ATXN1: variants seen among roughly 807,000 people sequenced by gnomAD.
The protein encoded by ATXN1 is ataxin-1.
A neutral mutation model predicts 56.4 loss-of-function variants in ATXN1; 8 were observed. The observed-to-expected ratio is 0.14, with a 90% confidence interval of 0.08 to 0.26. ATXN1 has a LOEUF of 0.26. ATXN1 is among the 10% of genes least tolerant of loss of function. The pLI, the probability that ATXN1 is intolerant of heterozygous loss-of-function variation, is 1.00. For synonymous variants in ATXN1, 514 were observed against 494.6 expected, an observed-to-expected ratio of 1.04 and a Z score of -0.52; for missense variants, 987 against 1,106.5, an observed-to-expected ratio of 0.89 and a Z score of 1.53.
At chr6:16,686,068 G>A (rs1434275808) in intron 2 of ATXN1, among the ~76,000 whole-genome samples, 4 of 151,910 alleles carry the variant, frequency 2.6e-5, no homozygotes, top group Non-Finnish European at 5.9e-5. Flanking sequence ...ATACATACAT[G>A]TCAATTCACA....
At chr6:16,566,676 AC>A (rs1180206927) in intron 4 of ATXN1, among the ~76,000 whole-genome samples, 3 of 151,628 alleles carry the variant, frequency 2.0e-5, no homozygotes, top group Non-Finnish European at 2.9e-5. Flanking sequence ...ACACTGTGAA[AC>A]CCCGTCTCTA....
intron 3 of ATXN1, among the ~76,000 whole-genome samples, chr6:16,633,308 T>A (rs1012359634): frequency 2.6e-5 from 4 of 152,196 alleles, no homozygotes; most frequent in Non-Finnish European, 5.9e-5. Context: ...TAATTAATTA[T>A]TTAATTAATT....
chr6:16,408,577 A>G (rs1406395075), intron 6 of ATXN1, among the ~76,000 whole-genome samples: 2 of 152,170 alleles, frequency 1.3e-5, no homozygotes, highest in Non-Finnish European at 2.9e-5. Flanking sequence ...CTAAGTGTGT[A>G]TCACGTATTT....
chr6:16,615,282 G>A (rs912486947), intron 3 of ATXN1: 9 of 150,450 alleles, frequency 6.0e-5, no homozygotes, highest in Non-Finnish European at 1.2e-4. Flanking sequence ...GGAATTTCAT[G>A]GTTTTTTTGA....
intron 6 of ATXN1, among the ~76,000 whole-genome samples, chr6:16,389,107 C>T (rs939564722): frequency 1.5e-4 from 23 of 152,060 alleles, no homozygotes; most frequent in Non-Finnish European, 2.2e-4. Context: ...GAGGCCAAGG[C>T]GGGCAGATCA....
intron 3 of ATXN1, among the ~76,000 whole-genome samples, chr6:16,624,433 T>G (rs1763373114): frequency 1.3e-5 from 2 of 152,042 alleles, no homozygotes; most frequent in South Asian, 4.1e-4. Flanking sequence ...TTAATACCAC[T>G]GAATGTACAC....
At position 16,326,963 on chromosome 6, in the gene ATXN1, C is replaced by T. The variant is rs368109629; in HGVS notation, c.1348G>A (p.Ala450Thr). The change falls in exon 7 of 8, where the codon GCC becomes ACC. Residue 450 changes from alanine (A) to threonine (T), a missense_variant. By Grantham distance (58) the Ala-to-Thr change is moderately conservative (BLOSUM62 0). Around this residue, in one of 3 missense-constraint regions of ATXN1, gnomAD observed 723 missense variants for 791.7 expected, o/e 0.91. Transcript: ENST00000436367. The surrounding 1 kb of genome is among the most constrained non-coding windows in gnomAD (Gnocchi z 6.6). ...ASEPLPVGLP[A>T]TAFYAGTQPP... ...TGAGTCCCTGCGTAGAAGGCCGTGGCTGGCAGTCCCACCGGGAGTGGCTCT... is the reference window on the plus strand; with the variant it reads ...TGAGTCCCTGCGTAGAAGGCCGTGGTTGGCAGTCCCACCGGGAGTGGCTCT... 4 of 1,613,998 alleles carry T rather than the reference C, an allele frequency of 2.5e-6. No homozygotes were observed. Among genetic ancestry groups the T allele is most frequent in the South Asian group, 1.1e-5 (1 of 91,086 alleles).
At chr6:16,662,903 A>G (rs545614861) in intron 2 of ATXN1, among the ~76,000 whole-genome samples, 1 of 152,176 alleles carries the variant, frequency 6.6e-6, no homozygotes, top group African/African-American at 2.4e-5. Flanking sequence ...GTTTTCCCTG[A>G]AACTACTCAG....
intron 6 of ATXN1, among the ~76,000 whole-genome samples, chr6:16,457,975 A>C (rs950058317): frequency 1.3e-5 from 2 of 152,222 alleles, no homozygotes; most frequent in Admixed American, 1.3e-4. Context: ...GAAAGTTTTC[A>C]GATGATCCTG....
chr6:16,749,080 A>C (rs1469651259), intron 2 of ATXN1, among the ~76,000 whole-genome samples: 1 of 152,204 alleles, frequency 6.6e-6, no homozygotes, highest in Non-Finnish European at 1.5e-5. Context: ...GTAGCTAGGT[A>C]TATACAGTAT....
intron 6 of ATXN1, among the ~76,000 whole-genome samples, chr6:16,353,471 G>C (rs966991353): frequency 1.3e-5 from 2 of 152,050 alleles, no homozygotes; most frequent in African/African-American, 4.8e-5. Context: ...TCAGGAGTTC[G>C]AGACCAGCCT....
At position 16,761,334 on chromosome 6, in the gene ATXN1, G is replaced by T. The variant is rs776245789; in HGVS notation, c.-766C>A. ...AATGGATCTGGGGTTGCGTGGGGAAGGGGGGGCAGAGGGAGAGAAACAATG... is the reference window on the plus strand; with the variant it reads ...AATGGATCTGGGGTTGCGTGGGGAATGGGGGGCAGAGGGAGAGAAACAATG... On this transcript the variant is annotated 5_prime_UTR_variant, in exon 1 of 8. Coordinates refer to ENST00000436367, the MANE Select transcript of ATXN1 (RefSeq NM_001128164.2). 41 of 456,248 alleles carry T rather than the reference G, an allele frequency of 9.0e-5. No homozygotes were observed. The highest frequency in any genetic ancestry group is 6.5e-4 in the Middle Eastern group (2 of 3,074). 28.3% of individuals were successfully genotyped at this position (456,248 alleles called of 1,614,324 possible). A position where few individuals can be genotyped will look rare whatever the true frequency, so the allele number is the denominator to read the frequency against.
At chr6:16,377,557 G>A (rs558743902) in intron 6 of ATXN1, among the ~76,000 whole-genome samples, 6 of 152,234 alleles carry the variant, frequency 3.9e-5, no homozygotes, top group South Asian at 4.2e-4. Flanking sequence ...CCATGGTCTC[G>A]CGGGGAGACA....
intron 4 of ATXN1, among the ~76,000 whole-genome samples, chr6:16,543,263 GCA>G (rs1761750193): frequency 1.3e-5 from 2 of 152,276 alleles, no homozygotes; most frequent in African/African-American, 4.8e-5. Context: ...TGTGGCCCTA[GCA>G]CCACCACTTT....
chr6:16,364,300 G>T (rs1025931222), intron 6 of ATXN1, among the ~76,000 whole-genome samples: 7 of 152,032 alleles, frequency 4.6e-5, no homozygotes, highest in African/African-American at 1.7e-4. Context: ...GCTTCATGCT[G>T]AGGTTCTAGA....
intron 6 of ATXN1, among the ~76,000 whole-genome samples, chr6:16,426,959 C>T (rs947163533): frequency 2.0e-5 from 3 of 151,852 alleles, no homozygotes; most frequent in Non-Finnish European, 4.4e-5. Flanking sequence ...AAGCTCAGAA[C>T]AAGCCCTTCA....
chr6:16,405,323 C>T (rs1013170652), intron 6 of ATXN1, among the ~76,000 whole-genome samples: 1 of 152,194 alleles, frequency 6.6e-6, no homozygotes, highest in African/African-American at 2.4e-5. Context: ...CAAACGACTA[C>T]GTAGTGAGAG....
At chr6:16,659,461 T>TA (rs1330386796) in intron 2 of ATXN1, among the ~76,000 whole-genome samples, 2 of 152,238 alleles carry the variant, frequency 1.3e-5, no homozygotes, top group East Asian at 1.9e-4. Flanking sequence ...CTTTTTTAAC[T>TA]AAAAATATCT....
chr6:16,480,085 G>T (rs1760404109), intron 6 of ATXN1, among the ~76,000 whole-genome samples: 1 of 147,998 alleles, frequency 6.8e-6, no homozygotes, highest in South Asian at 2.1e-4. Context: ...CCAGAAGGTG[G>T]AGGTTGCAGT....
Sources: allele counts gnomAD v4.1 joint callset (sites outside exome capture counted in the v4.1 genomes callset), GRCh38; gene constraint gnomAD v4.1.1; regional missense constraint gnomAD v4.1.1; non-coding constraint Gnocchi (gnomAD v3.1); transcripts MANE v1.5; gene names NCBI Gene and HGNC (gene_info 2026-07-23, HGNC 2026-07-21).